PTPRT: variants seen among roughly 807,000 people sequenced by gnomAD.
PTPRT encodes the protein protein tyrosine phosphatase receptor type T, also known as receptor-type tyrosine-protein phosphatase T.
A neutral mutation model predicts 176.8 loss-of-function variants in PTPRT; 56 were observed. That is an observed-to-expected ratio of 0.32 (90% CI 0.26 to 0.40). The LOEUF is 0.40. PTPRT is among the 10% of genes least tolerant of loss of function. The probability of loss-of-function intolerance (pLI) is 1.00; values close to 1 mark genes in which losing one functional copy is unlikely to be tolerated. For missense variants in PTPRT, 1,540 were observed against 1,908.2 expected, an observed-to-expected ratio of 0.81 and a Z score of 3.60; for synonymous variants, 783 against 739.0, an observed-to-expected ratio of 1.06 and a Z score of -0.96.
At chr20:42,762,581 TA>T (rs2076929995) in intron 5 of PTPRT, among the ~76,000 whole-genome samples, 1 of 152,228 alleles carries the variant, frequency 6.6e-6, no homozygotes, top group African/African-American at 2.4e-5. Context: ...ACCCATACTC[TA>T]TTGGCAGAGC....
At chr20:42,553,125 G>A (rs948321201) in intron 7 of PTPRT, among the ~76,000 whole-genome samples, 3 of 152,128 alleles carry the variant, frequency 2.0e-5, no homozygotes, top group Non-Finnish European at 2.9e-5. Flanking sequence ...AATGACGCAT[G>A]TACAACAATG....
In PTPRT at chr20:42,771,898, T is replaced by C. The variant is rs559982460; in HGVS notation, c.569-348A>G. ...GAATTTAGATCTGTGCTCTGTGAAATTGGCACAAACATGCCTAGAATACAC... is the reference window on the plus strand; with the variant it reads ...GAATTTAGATCTGTGCTCTGTGAAACTGGCACAAACATGCCTAGAATACAC... On this transcript the variant is annotated intron_variant, in intron 4 of 30. Transcript: ENST00000373187. 3.0e-4 allele frequency among the ~76,000 whole-genome samples: 45 copies of C among 152,292 alleles called. No individual in the cohort carries two copies. In the South Asian group the frequency reaches 8.9e-3, roughly 30 times the overall value.
chr20:42,976,814 G>A (rs1384702597), intron 1 of PTPRT, among the ~76,000 whole-genome samples: 2 of 152,130 alleles, frequency 1.3e-5, no homozygotes, highest in Admixed American at 6.5e-5. Context: ...CCTAATAAAA[G>A]TTTATGTGAG....
chr20:42,167,728 G>A (rs1600622438), intron 16 of PTPRT, among the ~76,000 whole-genome samples: 1 of 152,342 alleles, frequency 6.6e-6, no homozygotes, highest in South Asian at 2.1e-4. Context: ...TGTGGGGACT[G>A]TGGCAACAGC....
chr20:42,897,082 C>G (rs971067105), intron 1 of PTPRT, among the ~76,000 whole-genome samples: 5 of 152,066 alleles, frequency 3.3e-5, no homozygotes, highest in Non-Finnish European at 7.4e-5. Context: ...GGGCACGTTC[C>G]AATTAGTGTT....
chr20:42,695,219 T>G (rs559768135), intron 6 of PTPRT, among the ~76,000 whole-genome samples: 1 of 152,308 alleles, frequency 6.6e-6, no homozygotes, highest in East Asian at 1.9e-4. Flanking sequence ...GAGCAAAAAT[T>G]TTAACTTTAA....
chr20:42,778,766 T>C (rs2077173345), intron 4 of PTPRT, among the ~76,000 whole-genome samples: 1 of 152,212 alleles, frequency 6.6e-6, no homozygotes, highest in Non-Finnish European at 1.5e-5. Context: ...AGGAGATTCA[T>C]ATGCATATCT....
chr20:42,285,869 A>T (rs2057221688), intron 12 of PTPRT, among the ~76,000 whole-genome samples: 1 of 152,044 alleles, frequency 6.6e-6, no homozygotes, highest in African/African-American at 2.4e-5. Context: ...ACATACAAAA[A>T]TCAGTAATGT....
At position 43,156,837 on chromosome 20, in the gene PTPRT, C is replaced by A. The variant is rs1371265054; in HGVS notation, c.88+32809G>T. The stretch of plus-strand genomic sequence containing the variant: ...GACACCAGCCACAAGGGCTTCCCTG[C>A]CTGGCTTGCAGTGAGAGCTCTTTGT... On this transcript the variant is annotated intron_variant, in intron 1 of 30. Transcript: ENST00000373187. Among the ~76,000 whole-genome samples, 3 of 152,190 alleles carry A rather than the reference C, an allele frequency of 2.0e-5. No individual in the cohort carries two copies. The East Asian group carries it at 5.8e-4, about 29-fold the overall frequency.
intron 6 of PTPRT, among the ~76,000 whole-genome samples, chr20:42,699,539 A>G (rs546535588): frequency 5.6e-4 from 85 of 152,332 alleles, no homozygotes; most frequent in African/African-American, 2.0e-3. Flanking sequence ...AAATCAAGGA[A>G]AGCATGTGTC....
At chr20:42,793,970 GTCC>G (rs1312806497) in intron 2 of PTPRT, among the ~76,000 whole-genome samples, 13 of 152,142 alleles carry the variant, frequency 8.5e-5, no homozygotes, top group Non-Finnish European at 1.3e-4. Context: ...TTCAGCTCCT[GTCC>G]TCCTGCCAAT....
chr20:42,474,921 A>G (rs1320564626), intron 7 of PTPRT, among the ~76,000 whole-genome samples: 2 of 152,108 alleles, frequency 1.3e-5, no homozygotes, highest in African/African-American at 4.8e-5. Flanking sequence ...CCAAGCCCCA[A>G]TACAACAGTC....
At chr20:42,533,506 C>T (rs117996490) in intron 7 of PTPRT, among the ~76,000 whole-genome samples, 1,586 of 152,042 alleles carry the variant, frequency 0.01, 17 homozygotes, top group Middle Eastern at 0.027. Flanking sequence ...AGTGTGTTCT[C>T]GCTTTGGGTT....
At chr20:42,205,195 C>T (rs1343049723) in intron 15 of PTPRT, among the ~76,000 whole-genome samples, 1 of 152,006 alleles carries the variant, frequency 6.6e-6, no homozygotes, top group African/African-American at 2.4e-5. Flanking sequence ...CTGCTTAGGT[C>T]TCTTTTGGAA....
At position 43,054,921 on chromosome 20, in the gene PTPRT, C is replaced by G. The variant is rs78517712; in HGVS notation, c.88+134725G>C. On this transcript the variant is annotated intron_variant, in intron 1 of 30. Coordinates refer to ENST00000373187, the MANE Select transcript of PTPRT (RefSeq NM_007050.6). The stretch of plus-strand genomic sequence containing the variant: ...TGAAATAATAGCAATATGCGTGAGC[C>G]CAATCAAAGAATTTATTTTCAAAGA... 1.2e-3 allele frequency among the ~76,000 whole-genome samples: 182 copies of G among 152,102 alleles called. 2 individuals carry two copies. The East Asian group carries it at 0.032, about 26-fold the overall frequency.
chr20:42,883,771 C>A (rs997409693), intron 2 of PTPRT, among the ~76,000 whole-genome samples: 2 of 1,374 alleles, frequency 1.5e-3, no homozygotes, highest in African/African-American at 5.9e-3. Context: ...TGCACACACA[C>A]CCTCCATAAA....
chr20:42,474,813 C>CA (rs1971610224), intron 7 of PTPRT, among the ~76,000 whole-genome samples: 1 of 152,130 alleles, frequency 6.6e-6, no homozygotes, highest in Non-Finnish European at 1.5e-5. Flanking sequence ...GGGGCCTGTC[C>CA]ACTTGTCCAG....
At chr20:42,569,095 T>A (rs1187335140) in intron 7 of PTPRT, among the ~76,000 whole-genome samples, 1 of 102,970 alleles carries the variant, frequency 9.7e-6, no homozygotes, top group African/African-American at 3.7e-5. Flanking sequence ...TATATATATA[T>A]ATATATATAT....
At chr20:43,178,596 T>C (rs1012537435) in intron 1 of PTPRT, among the ~76,000 whole-genome samples, 5 of 152,178 alleles carry the variant, frequency 3.3e-5, no homozygotes, top group Admixed American at 3.3e-4. Context: ...GAAGAAAGAC[T>C]GGACACTGAA....
Sources: gnomAD v4.1 joint callset for allele counts (sites outside exome capture counted in the v4.1 genomes callset) on GRCh38, gnomAD v4.1.1 for gene constraint, MANE v1.5 for transcripts, NCBI Gene and HGNC (gene_info 2026-07-23, HGNC 2026-07-21) for gene names.